Variants in WLS observed in about 807,000 individuals in gnomAD.
WLS encodes protein wntless homolog.
In WLS, 23 loss-of-function variants were observed where a neutral mutation model predicts 62.8. That is an observed-to-expected ratio of 0.37 (90% confidence interval 0.26 to 0.52). The LOEUF is 0.52. WLS is among the 20% of genes least tolerant of loss of function. The pLI is 0.92. For synonymous variants in WLS, 246 were observed against 244.1 expected (o/e 1.01, Z -0.07); for missense variants, 615 against 697.3 (o/e 0.88, Z 1.33).
At chr1:68,205,281 GA>G (rs1649235656) in intron 1 of WLS, among the ~76,000 whole-genome samples, 1 of 152,134 alleles carries the variant, frequency 6.6e-6, no homozygotes, top group African/African-American at 2.4e-5. Context: ...TATATTAAAT[GA>G]AATACTGAAT....
intron 1 of WLS, among the ~76,000 whole-genome samples, chr1:68,213,420 C>T (rs1383411326): frequency 7.2e-6 from 1 of 138,474 alleles, no homozygotes; most frequent in African/African-American, 2.7e-5. Context: ...CATTGCTCTC[C>T]AGACTGGGCA....
At position 68,156,813 on chromosome 1, in the gene WLS, A is replaced by T. The variant is rs573117220; in HGVS notation, c.505-1553T>A. Reference sequence around the variant, plus strand: ...CTCTTATACTTTCAAATCAGGGAGGATGGGGGCTCTGCAGGTACTACTAAA... The same window carrying T: ...CTCTTATACTTTCAAATCAGGGAGGTTGGGGGCTCTGCAGGTACTACTAAA... On this transcript the variant is annotated intron_variant, in intron 3 of 11. Transcript: ENST00000262348. Among the ~76,000 whole-genome samples, 67 of 151,736 alleles carry T rather than the reference A, an allele frequency of 4.4e-4. 1 individual carries two copies. The highest frequency in any genetic ancestry group is 8.4e-4 in the Non-Finnish European group (57 of 67,956).
intron 2 of WLS, among the ~76,000 whole-genome samples, chr1:68,189,028 C>T (rs1648136435): frequency 6.6e-6 from 1 of 152,178 alleles, no homozygotes; most frequent in Non-Finnish European, 1.5e-5. Context: ...ATGAAAAATT[C>T]CAGAAATAAT....
chr1:68,109,836 C>T (rs999416002), intron 11 of WLS, among the ~76,000 whole-genome samples: 1 of 151,392 alleles, frequency 6.6e-6, no homozygotes, highest in Non-Finnish European at 1.5e-5. Flanking sequence ...CATATAAACC[C>T]ACAAGAATGG....
At chr1:68,188,697 A>C (rs1648113063) in intron 2 of WLS, among the ~76,000 whole-genome samples, 1 of 152,226 alleles carries the variant, frequency 6.6e-6, no homozygotes, top group South Asian at 2.1e-4. Flanking sequence ...AAGAGGAATC[A>C]CAAGAGAGGA....
chr1:68,112,246 G>A (rs1348708676), intron 11 of WLS, among the ~76,000 whole-genome samples: 1 of 152,210 alleles, frequency 6.6e-6, no homozygotes, highest in Non-Finnish European at 1.5e-5. Context: ...CTGGCCAGGT[G>A]CTCTTATGCA....
chr1:68,137,423 C>T (rs1031459239), intron 11 of WLS, among the ~76,000 whole-genome samples: 6 of 152,184 alleles, frequency 3.9e-5, no homozygotes, highest in African/African-American at 1.4e-4. Flanking sequence ...TAGGATTCTG[C>T]TTCTCAAATG....
intron 11 of WLS, among the ~76,000 whole-genome samples, chr1:68,106,742 GTGTGTGTGTA>G (rs1216612661): frequency 7.6e-4 from 94 of 123,558 alleles, no homozygotes; most frequent in Admixed American, 2.1e-3. Flanking sequence ...GTGTGTGTGT[GTGTGTGTGTA>G]TGTGTGGGTA....
chr1:68,206,800 A>G (rs1310685460), intron 1 of WLS, among the ~76,000 whole-genome samples: 1 of 152,198 alleles, frequency 6.6e-6, no homozygotes, highest in Non-Finnish European at 1.5e-5. Context: ...TAACTCAGCA[A>G]TTGTAGGATT....
At chr1:68,171,556 G>A (rs1647153770) in intron 2 of WLS, among the ~76,000 whole-genome samples, 1 of 152,034 alleles carries the variant, frequency 6.6e-6, no homozygotes, top group Non-Finnish European at 1.5e-5. Flanking sequence ...CAACAAACGT[G>A]AAAAAAAGCT....
intron 1 of WLS, among the ~76,000 whole-genome samples, chr1:68,231,242 G>A (rs528009829): frequency 1.4e-4 from 21 of 152,140 alleles, no homozygotes; most frequent in Non-Finnish European, 2.6e-4. Flanking sequence ...TTCTTCACCC[G>A]GAAGCCTGTT....
rs533120772 is a variant in WLS, at chr1:68,195,011, A to T, written c.107-784T>A. 2.6e-5 allele frequency among the ~76,000 whole-genome samples: 4 copies of T among 152,334 alleles called. No homozygotes were observed. In the East Asian group the frequency reaches 7.7e-4, roughly 29 times the overall value. ...CAAAACAACATTTACCCAAAATCCC[A>T]CTAGAGGGAAGTAACCACTGTTGGA... On this transcript the variant is annotated intron_variant, in intron 1 of 11. Coordinates refer to ENST00000262348, the MANE Select transcript of WLS (RefSeq NM_024911.7).
intron 2 of WLS, among the ~76,000 whole-genome samples, chr1:68,174,743 A>G (rs1414404029): frequency 6.6e-6 from 1 of 152,072 alleles, no homozygotes; most frequent in Non-Finnish European, 1.5e-5. Context: ...TGGTCTCTAC[A>G]TGCATCACTC....
rs200884626 is a variant in WLS at position 68,137,751 on chromosome 1, T to C, written c.1516+29A>G. Reference sequence around the variant, plus strand: ...AGACAGAAGCCTATTTATCCTGACTTAAGCTGTTCTAAAGAGACAGAAACT... The same window carrying C: ...AGACAGAAGCCTATTTATCCTGACTCAAGCTGTTCTAAAGAGACAGAAACT... On this transcript the variant is annotated intron_variant, in intron 11 of 11. Coordinates refer to ENST00000262348, the MANE Select transcript of WLS (RefSeq NM_024911.7). The C allele has an allele frequency of 2.8e-4, 451 of 1,606,562 alleles. 1 individual carries two copies. Among genetic ancestry groups the C allele is most frequent in the African/African-American group, 2.1e-3 (159 of 74,664 alleles).
downstream of WLS, chr1:68,125,281 C>T (rs556902885): frequency 2.2e-4 from 208 of 956,046 alleles, no homozygotes; most frequent in African/African-American, 3.6e-3. Context: ...TAAAGTATAT[C>T]AGTTTTTCAG....
intron 1 of WLS, among the ~76,000 whole-genome samples, chr1:68,211,891 A>C (rs1290157666): frequency 6.6e-6 from 1 of 152,204 alleles, no homozygotes; most frequent in Non-Finnish European, 1.5e-5. Flanking sequence ...GCCTGGCTGC[A>C]TCTGGGAAAT....
chr1:68,139,434 G>A (rs375461808), intron 10 of WLS, among the ~76,000 whole-genome samples: 2 of 152,164 alleles, frequency 1.3e-5, no homozygotes. Flanking sequence ...AAAGCATTAA[G>A]ATAGTTTCCA....
chr1:68,137,713 T>A, intron 11 of WLS, 67 bp downstream of exon 11: 1 of 1,535,974 alleles, frequency 6.5e-7, no homozygotes, highest in Non-Finnish European at 8.8e-7. Flanking sequence ...CTTTAGCCAT[T>A]TAAATCTTGT....
intron 5 of WLS, among the ~76,000 whole-genome samples, chr1:68,151,068 G>GAGA (rs1237045717): frequency 2.0e-5 from 3 of 152,230 alleles, no homozygotes; most frequent in Non-Finnish European, 4.4e-5. Flanking sequence ...GCCAGATAAA[G>GAGA]AGACAACTGA....
Sources: gnomAD v4.1 joint callset for allele counts (sites outside exome capture counted in the v4.1 genomes callset) on GRCh38, gnomAD v4.1.1 for gene constraint, MANE v1.5 for transcripts, NCBI Gene and HGNC (gene_info 2026-07-23, HGNC 2026-07-21) for gene names.